The following OGDH variants were observed in gnomAD, a reference collection of about 807,000 sequenced individuals.
OGDH encodes the protein oxoglutarate dehydrogenase, also known as 2-oxoglutarate dehydrogenase complex component E1.
In OGDH, 38 loss-of-function variants were observed where a neutral mutation model predicts 116.6. The observed-to-expected ratio is 0.33, with a 90% CI of 0.25 to 0.43. The LOEUF (loss-of-function observed/expected upper bound fraction) is 0.43. Among genes scored for constraint, OGDH ranks in the 20% least tolerant of loss-of-function variants. The pLI, the probability that OGDH is intolerant of heterozygous loss-of-function variation, is 1.00. For synonymous variants in OGDH, 488 were observed against 533.3 expected, an observed-to-expected ratio of 0.92 and a Z score of 1.17; for missense variants, 825 against 1,357.2, an observed-to-expected ratio of 0.61 and a Z score of 6.16.
intron 2 of OGDH, among the ~76,000 whole-genome samples, chr7:44,625,906 G>C (rs112024634): frequency 1.3e-5 from 2 of 152,072 alleles, no homozygotes; most frequent in Admixed American, 6.5e-5. Flanking sequence ...CCAGGAATTC[G>C]AGGTTACAGT....
Position 44,645,832 on chromosome 7 carries a change from A to C in OGDH, c.414+314A>C, listed in dbSNP as rs565528390. The stretch of plus-strand genomic sequence containing the variant: ...AGTCAGTACCCGGGCATCAAGGAGA[A>C]GTGCTGCCCATCTGCCAGTGAGCAG... On this transcript the variant is annotated intron_variant, in intron 3 of 22. Coordinates refer to ENST00000222673, the MANE Select transcript of OGDH (RefSeq NM_002541.4). Among the ~76,000 whole-genome samples, 35 of 152,274 alleles carry C rather than the reference A, an allele frequency of 2.3e-4. 1 individual carries two copies. In the East Asian group the frequency reaches 3.5e-3, roughly 15 times the overall value.
At chr7:44,608,635 C>T (rs1459457551) in intron 1 of OGDH, among the ~76,000 whole-genome samples, 1 of 151,930 alleles carries the variant, frequency 6.6e-6, no homozygotes, top group African/African-American at 2.4e-5. Context: ...GCAGGAGAAT[C>T]GCTTGAACGC....
chr7:44,662,664 T>C (rs1786999652), intron 4 of OGDH, among the ~76,000 whole-genome samples: 2 of 152,226 alleles, frequency 1.3e-5, no homozygotes, highest in Admixed American at 6.5e-5. Context: ...GGTTTCACCA[T>C]GTTGGTCAGG....
At chr7:44,700,751 G>T (rs544037510) in intron 19 of OGDH, among the ~76,000 whole-genome samples, 1 of 152,150 alleles carries the variant, frequency 6.6e-6, no homozygotes, top group Admixed American at 6.5e-5. Context: ...GGTGGCTCAC[G>T]CCTGTAATCC....
chr7:44,644,586 C>G (rs1303191646), intron 2 of OGDH, among the ~76,000 whole-genome samples: 1 of 152,210 alleles, frequency 6.6e-6, no homozygotes, highest in East Asian at 1.9e-4. Flanking sequence ...AGGTAACTCA[C>G]TAAGAGCCTA....
Position 44,697,286 on chromosome 7 carries a change from T to C in OGDH, c.2052-84T>C. 2 of 1,571,996 alleles carry C rather than the reference T, an allele frequency of 1.3e-6. No homozygotes were observed. The highest frequency in any genetic ancestry group is 3.4e-5 in the Admixed American group (2 of 58,574). ...GAAGTCCAGGTCACAGAGCATGGCA[T>C]CTGCTGGTGCTTCGTGCGGGTCCCC... is the stretch of plus-strand genomic sequence containing the variant. On this transcript the variant is annotated intron_variant, in intron 15 of 22. Transcript: ENST00000222673. This position sits in a 1 kb window ranked among gnomAD's most constrained non-coding sequence, Gnocchi z 6.0.
intron 10 of OGDH, among the ~76,000 whole-genome samples, chr7:44,688,232 G>T (rs916626731): frequency 6.6e-6 from 1 of 151,698 alleles, no homozygotes; most frequent in East Asian, 2.0e-4. Context: ...TTAGCCAGGC[G>T]TGGTGGCTCG....
chr7:44,676,612 G>T (rs112221842), intron 9 of OGDH: 4,032 of 111,474 alleles, frequency 0.036, 70 homozygotes, highest in Admixed American at 0.077. Flanking sequence ...GTGTGTGTGT[G>T]TGTATATATA....
chr7:44,606,815 G>A (rs1300059126), intron 1 of OGDH, among the ~76,000 whole-genome samples, 162 bp downstream of exon 1: 1 of 152,166 alleles, frequency 6.6e-6, no homozygotes, highest in Non-Finnish European at 1.5e-5. Flanking sequence ...GCTCACGGAG[G>A]GTGGTAGGAG....
chr7:44,666,749 GGA>G lies in OGDH; in HGVS notation c.532_533del (p.Asp178Ter). 6.2e-7 allele frequency: 1 copy of G among 1,610,562 alleles called. No homozygotes were observed. The highest frequency in any genetic ancestry group is 8.5e-7 in the Non-Finnish European group (1 of 1,178,128). ...STDKLGFYGL[D>X]ESDLDKVFHL... ...ATCGCCCTGCAGGGTTCTATGGCCT[GGA>G]TGAGTCTGACCTCGACAAGGTCTTC... is the stretch of plus-strand genomic sequence containing the variant. On this transcript the variant is annotated frameshift_variant, in exon 5 of 23. Transcript: ENST00000222673. LOFTEE classifies it high-confidence loss of function.
intron 1 of OGDH, among the ~76,000 whole-genome samples, chr7:44,608,332 A>T (rs1197893857): frequency 6.6e-6 from 1 of 151,602 alleles, no homozygotes; most frequent in African/African-American, 2.4e-5. Flanking sequence ...GGCATGAGCC[A>T]GGGAGGTCCA....
In OGDH at chr7:44,689,392, C is replaced by CTT. The variant is rs561058807; in HGVS notation, c.1336-4408_1336-4407dup. On this transcript the variant is annotated intron_variant, in intron 10 of 22. Coordinates refer to ENST00000222673, the MANE Select transcript of OGDH (RefSeq NM_002541.4). ...CACCACTCCCAGCTAATTTTTTTTTCTTTTTTTTTTTTTTTTTTTTTTTTT... is the reference window on the plus strand; with the variant it reads ...CACCACTCCCAGCTAATTTTTTTTTCTTTTTTTTTTTTTTTTTTTTTTTTTTT... 1.8e-3 allele frequency among the ~76,000 whole-genome samples: 125 copies of CTT among 71,276 alleles called. 2 individuals carry two copies. The highest frequency in any genetic ancestry group is 2.7e-3 in the African/African-American group (47 of 17,094). 46.8% of individuals were successfully genotyped at this position (71,276 alleles called of 152,430 possible). A position where few individuals can be genotyped will look rare whatever the true frequency, so the allele number is the denominator to read the frequency against.
intron 4 of OGDH, among the ~76,000 whole-genome samples, chr7:44,658,628 G>T (rs2115951948): frequency 6.6e-6 from 1 of 152,186 alleles, no homozygotes; most frequent in Non-Finnish European, 1.5e-5. Flanking sequence ...AGAGTGGATA[G>T]CCTTATGCCC....
intron 5 of OGDH, among the ~76,000 whole-genome samples, chr7:44,671,010 C>CAAAAAAAAAAAA (rs111818473): frequency 2.9e-5 from 2 of 68,616 alleles, no homozygotes; most frequent in African/African-American, 8.5e-5. Context: ...GACTCCATCT[C>CAAAAAAAAAAAA]AAAAAAAAAA....
chr7:44,617,152 C>T lies in OGDH; in HGVS notation c.-27-7165C>T, dbSNP rs1438412100. ...TTCAGCATGTTGGCCAGGCTGGTCT[C>T]AAACTCCTGATCTCAGGTGATCCAC... On this transcript the variant is annotated intron_variant, in intron 1 of 22. Coordinates refer to ENST00000222673, the MANE Select transcript of OGDH (RefSeq NM_002541.4). Among the ~76,000 whole-genome samples the T allele has an allele frequency of 2.0e-5, 3 of 151,562 alleles. No homozygotes were observed. In the East Asian group the frequency reaches 5.9e-4, roughly 30 times the overall value.
At chr7:44,638,029 T>C (rs1785752244) in intron 2 of OGDH, among the ~76,000 whole-genome samples, 1 of 152,154 alleles carries the variant, frequency 6.6e-6, no homozygotes. Context: ...TTCCTGCCCC[T>C]TGAATGTCAT....
At chr7:44,690,811 T>C (rs890963873) in intron 10 of OGDH, among the ~76,000 whole-genome samples, 6 of 152,246 alleles carry the variant, frequency 3.9e-5, no homozygotes, top group Non-Finnish European at 7.3e-5. Flanking sequence ...AGGCATGTTA[T>C]GATCACTGAC....
chr7:44,622,176 A>G (rs1585230035), intron 1 of OGDH, among the ~76,000 whole-genome samples: 1 of 152,196 alleles, frequency 6.6e-6, no homozygotes, highest in South Asian at 2.1e-4. Context: ...ATTAAAGGAA[A>G]AAAATGAACA....
chr7:44,640,025 G>A (rs544462218), intron 2 of OGDH, among the ~76,000 whole-genome samples: 71 of 152,276 alleles, frequency 4.7e-4, no homozygotes, highest in African/African-American at 1.6e-3. Flanking sequence ...GTGGAGGCCC[G>A]ATGATCATGA....
Sources: gnomAD v4.1 joint callset for allele counts (sites outside exome capture counted in the v4.1 genomes callset) on GRCh38, gnomAD v4.1.1 for gene constraint, Gnocchi (gnomAD v3.1) non-coding constraint, MANE v1.5 for transcripts, NCBI Gene and HGNC (gene_info 2026-07-23, HGNC 2026-07-21) for gene names.